Variants in RPH3A observed in about 807,000 individuals in gnomAD.
RPH3A encodes rabphilin 3A, also known as rabphilin-3A.
RPH3A carries 48 observed loss-of-function variants against 102.2 expected under a neutral mutation model. The observed-to-expected ratio is 0.47, with a 90% CI of 0.37 to 0.60. RPH3A has a LOEUF of 0.60. Ranked by LOEUF, RPH3A falls within the 20% of genes least tolerant of loss-of-function variation. The probability of loss-of-function intolerance (pLI) is 0.00; values close to 1 mark genes in which losing one functional copy is unlikely to be tolerated. For missense variants in RPH3A, 781 were observed against 910.1 expected (o/e 0.86, Z 1.83); for synonymous variants, 310 against 324.3 (o/e 0.96, Z 0.47).
At position 112,890,941 on chromosome 12, in the gene RPH3A, C is replaced by T. The variant is rs2043084239; in HGVS notation, c.1713C>T (p.Ile571=). The T allele has an allele frequency of 1.9e-6, 3 of 1,614,144 alleles. No individual in the cohort carries two copies. The South Asian group carries it at 3.3e-5, about 18-fold the overall frequency. ...AGCAGGGAGGCCTCATTGTGGGCAT[C>T]ATACGCTGCGTGCACCTGGCTGCCA... The part of the protein sequence containing the change: ...STQQGGLIVG[I]IRCVHLAAMD... The change falls in exon 19 of 22, where the codon ATC becomes ATT. Residue 571 remains isoleucine (I), a synonymous_variant. Transcript: ENST00000389385.
At chr12:112,666,857 T>C (rs555382788) in intron 1 of RPH3A, among the ~76,000 whole-genome samples, 1 of 152,320 alleles carries the variant, frequency 6.6e-6, no homozygotes, top group East Asian at 1.9e-4. Flanking sequence ...TATGTTCAAA[T>C]GGGTTTTATT....
intron 2 of RPH3A, among the ~76,000 whole-genome samples, chr12:112,793,897 G>A (rs1020994437): frequency 3.3e-5 from 5 of 152,156 alleles, no homozygotes; most frequent in Non-Finnish European, 7.3e-5. Context: ...AGAGAGCCAC[G>A]AGGCCTCAGG....
At chr12:112,762,945 C>A (rs2040864112) in intron 1 of RPH3A, among the ~76,000 whole-genome samples, 1 of 152,178 alleles carries the variant, frequency 6.6e-6, no homozygotes, top group Non-Finnish European at 1.5e-5. Context: ...ATGTGACCAT[C>A]CTCTAGGCAA....
At chr12:112,736,350 T>C (rs1295436335) in intron 1 of RPH3A, among the ~76,000 whole-genome samples, 1 of 152,252 alleles carries the variant, frequency 6.6e-6, no homozygotes, top group East Asian at 1.9e-4. Flanking sequence ...ATTGTTTACC[T>C]GACACCTTGT....
intron 1 of RPH3A, among the ~76,000 whole-genome samples, chr12:112,759,210 G>A (rs1814765520): frequency 1.3e-5 from 2 of 149,770 alleles, no homozygotes; most frequent in South Asian, 2.1e-4. Context: ...TCCTCCATTC[G>A]TGTGTGTTTG....
At position 112,887,909 on chromosome 12, in the gene RPH3A, G is replaced by C. The variant is rs1204604411; in HGVS notation, c.1549G>C (p.Glu517Gln). 1.2e-6 allele frequency: 2 copies of C among 1,613,658 alleles called. No individual in the cohort carries two copies. Among genetic ancestry groups the C allele is most frequent in the Non-Finnish European group, 1.7e-6 (2 of 1,179,662 alleles). Residue 517 changes from glutamate to glutamine, a missense_variant, in exon 17 of 22, where the codon GAG becomes CAG. Glu to Gln is a conservative substitution (Grantham distance 29). Transcript: ENST00000389385. ...GAGGAAGAATTTCAACATCTGCCTG[G>C]AGCGAGTGATTCCTGTGAGTGACTT... ...NQRKNFNICL[E>Q]RVIPMKRAGT... is the part of the protein sequence containing the mutation.
intron 2 of RPH3A, among the ~76,000 whole-genome samples, chr12:112,823,899 T>C (rs979066970): frequency 8.5e-5 from 13 of 152,192 alleles, no homozygotes; most frequent in African/African-American, 2.9e-4. Context: ...GAAAACATCT[T>C]AGGAGAACAT....
At chr12:112,748,141 A>C (rs1158082026) in intron 1 of RPH3A, among the ~76,000 whole-genome samples, 1 of 152,202 alleles carries the variant, frequency 6.6e-6, no homozygotes, top group Non-Finnish European at 1.5e-5. Context: ...GGGTGCCTGC[A>C]TGAATTGCTC....
chr12:112,841,277 T>A (rs1291092401), intron 4 of RPH3A, among the ~76,000 whole-genome samples: 2 of 146,628 alleles, frequency 1.4e-5, no homozygotes, highest in East Asian at 4.2e-4. Flanking sequence ...TCCTCTAAAC[T>A]CAAGAGCCAC....
intron 1 of RPH3A, among the ~76,000 whole-genome samples, chr12:112,786,330 G>A (rs893515976): frequency 6.6e-6 from 1 of 152,218 alleles, no homozygotes; most frequent in Admixed American, 6.5e-5. Flanking sequence ...ATTTGTCAGT[G>A]CACATAGGCC....
At chr12:112,695,514 G>A (rs866770524) in intron 1 of RPH3A, among the ~76,000 whole-genome samples, 1 of 152,256 alleles carries the variant, frequency 6.6e-6, no homozygotes, top group Non-Finnish European at 1.5e-5. Flanking sequence ...TCGATTTTGA[G>A]TGAAAGGAAC....
chr12:112,615,891 C>T (rs544795037), intron 1 of RPH3A, among the ~76,000 whole-genome samples: 59 of 152,204 alleles, frequency 3.9e-4, no homozygotes, highest in Admixed American at 1.2e-3. Context: ...CTTAGAATGA[C>T]GCCTGGCAGC....
chr12:112,693,741 C>G (rs2040324548), intron 1 of RPH3A, among the ~76,000 whole-genome samples: 1 of 152,154 alleles, frequency 6.6e-6, no homozygotes, highest in African/African-American at 2.4e-5. Flanking sequence ...AGTGATGCCC[C>G]CTGCTCCTCA....
chr12:112,789,980 G>A (rs2041079829), upstream of RPH3A, among the ~76,000 whole-genome samples: 1 of 151,844 alleles, frequency 6.6e-6, no homozygotes, highest in Non-Finnish European at 1.5e-5. Flanking sequence ...GATCACTTAA[G>A]CCCAGGAGTT....
chr12:112,706,844 G>A (rs759833391), intron 1 of RPH3A, among the ~76,000 whole-genome samples: 4 of 152,162 alleles, frequency 2.6e-5, no homozygotes, highest in Non-Finnish European at 5.9e-5. Flanking sequence ...ACAGACTTAA[G>A]CTTACTCCTG....
At chr12:112,710,248 T>G (rs1010619402) in intron 1 of RPH3A, among the ~76,000 whole-genome samples, 6 of 152,166 alleles carry the variant, frequency 3.9e-5, no homozygotes, top group African/African-American at 1.4e-4. Flanking sequence ...AGTGCTGGGA[T>G]TACAGGCTTG....
chr12:112,619,074 T>C (rs2039701776), intron 1 of RPH3A, among the ~76,000 whole-genome samples: 1 of 152,206 alleles, frequency 6.6e-6, no homozygotes, highest in Non-Finnish European at 1.5e-5. Flanking sequence ...ATTAGATGGG[T>C]ATATCACATT....
intron 1 of RPH3A, among the ~76,000 whole-genome samples, chr12:112,712,945 CTTCTTCTTCTTCTTCTTCT>C (rs1245425412): frequency 1.1e-4 from 12 of 113,530 alleles, no homozygotes; most frequent in Admixed American, 2.1e-4. Flanking sequence ...TCTTCTTCTT[CTTCTTCTTCTTCTTCTTCT>C]TTCTTCTTCT....
chr12:112,776,579 G>A (rs913197553), intron 1 of RPH3A, among the ~76,000 whole-genome samples: 2 of 152,000 alleles, frequency 1.3e-5, no homozygotes, highest in African/African-American at 4.8e-5. Context: ...GAAAGAAAGA[G>A]AAAGTGCAAA....
Sources: gnomAD v4.1 joint callset for allele counts (sites outside exome capture counted in the v4.1 genomes callset) on GRCh38, gnomAD v4.1.1 for gene constraint, MANE v1.5 for transcripts, NCBI Gene and HGNC (gene_info 2026-07-23, HGNC 2026-07-21) for gene names.